The following ZSWIM5 variants were observed in gnomAD, a reference collection of about 807,000 sequenced individuals.
ZSWIM5 encodes the protein zinc finger SWIM domain-containing protein 5.
Under a neutral mutation model 119.6 loss-of-function variants are expected in ZSWIM5, and 55 were observed. The ratio of observed to expected loss-of-function variants is 0.46; its 90% confidence interval spans 0.37 to 0.58. The LOEUF is 0.58. Among genes scored for constraint, ZSWIM5 ranks in the 20% least tolerant of loss-of-function variants. The probability of loss-of-function intolerance (pLI) is 0.00; values close to 1 mark genes in which losing one functional copy is unlikely to be tolerated. For missense variants in ZSWIM5, 1,193 were observed against 1,512.8 expected (o/e 0.79, Z 3.51); for synonymous variants, 537 against 606.9 (o/e 0.88, Z 1.69).
intron 1 of ZSWIM5, among the ~76,000 whole-genome samples, chr1:45,105,928 C>A (rs1287799568): frequency 2.0e-5 from 3 of 147,100 alleles, no homozygotes; most frequent in African/African-American, 7.6e-5. Flanking sequence ...GTGAGGAGCG[C>A]CTCTGCCCAG....
chr1:45,063,785 G>A (rs955202417), intron 2 of ZSWIM5, among the ~76,000 whole-genome samples: 1 of 152,026 alleles, frequency 6.6e-6, no homozygotes, highest in African/African-American at 2.4e-5. Flanking sequence ...GAGGTCAGGA[G>A]ATCGAGACCA....
At chr1:45,040,105 T>G (rs1448735831) in intron 7 of ZSWIM5, among the ~76,000 whole-genome samples, 1 of 152,194 alleles carries the variant, frequency 6.6e-6, no homozygotes, top group Non-Finnish European at 1.5e-5. Flanking sequence ...CCCAAAGTGC[T>G]GGGATTATAG....
rs1398678067 is a variant in ZSWIM5 at position 45,182,232 on chromosome 1, G to A, written c.595+23524C>T. On this transcript the variant is annotated intron_variant, in intron 1 of 13. Coordinates refer to ENST00000359600, the MANE Select transcript of ZSWIM5 (RefSeq NM_020883.2). The stretch of plus-strand genomic sequence containing the variant: ...GAGATCGAGACCACGGTGAAACCCC[G>A]TCTCTACTAAAAATACAAAAAATTA... Among the ~76,000 whole-genome samples, 110 of 152,012 alleles carry A rather than the reference G, an allele frequency of 7.2e-4. 2 individuals are homozygous for A. The highest frequency in any genetic ancestry group is 1.5e-3 in the South Asian group (7 of 4,818).
chr1:45,139,374 TTCTCTCTCTCTCTCCTCCTCCCTCCC>T (rs1208464090), intron 1 of ZSWIM5, among the ~76,000 whole-genome samples: 6 of 149,852 alleles, frequency 4.0e-5, no homozygotes, highest in African/African-American at 1.5e-4. Flanking sequence ...TTCTTTTTTT[TTCTCTCTCTCTCTCCTCCTCCCTCCC>T]TCTCTCTCTC....
chr1:45,133,489 C>T (rs1375957389), intron 1 of ZSWIM5, among the ~76,000 whole-genome samples: 3 of 152,102 alleles, frequency 2.0e-5, no homozygotes, highest in African/African-American at 4.8e-5. Context: ...TGTTTGAGTT[C>T]TTTGTAGATT....
chr1:45,088,140 GGTGA>G lies in ZSWIM5; in HGVS notation c.689_692del (p.Ile230ThrfsTer3). The G allele has an allele frequency of 3.1e-6, 5 of 1,614,162 alleles. No individual in the cohort carries two copies. Among genetic ancestry groups the G allele is most frequent in the Non-Finnish European group, 4.2e-6 (5 of 1,180,016 alleles). On this transcript the variant is annotated frameshift_variant, in exon 2 of 14. Coordinates refer to ENST00000359600, the MANE Select transcript of ZSWIM5 (RefSeq NM_020883.2). LOFTEE classifies it high-confidence loss of function. This position sits in a 1 kb window ranked among gnomAD's most constrained non-coding sequence, Gnocchi z 4.2. ...TGTTCCCACAGCCACATGTCACTGA[GGTGA>G]TTTTGCATCGATCAAAACTGATTGC...
chr1:45,038,830 A>C, intron 8 of ZSWIM5, 106 bp downstream of exon 8: 2 of 1,399,310 alleles, frequency 1.4e-6, no homozygotes, highest in Non-Finnish European at 2.0e-6. Flanking sequence ...TCTTGAACTC[A>C]AGTAATCCAC....
intron 5 of ZSWIM5, among the ~76,000 whole-genome samples, chr1:45,044,817 A>T (rs1400038690): frequency 0.045 from 411 of 9,048 alleles, 160 homozygotes; most frequent in African/African-American, 0.18. Flanking sequence ...ATATATATAT[A>T]TATAAATATA....
chr1:45,022,947 T>C (rs1275324219), intron 11 of ZSWIM5, among the ~76,000 whole-genome samples: 1 of 152,248 alleles, frequency 6.6e-6, no homozygotes, highest in Non-Finnish European at 1.5e-5. Flanking sequence ...GTTTTGCTTT[T>C]TGGAACACTG....
intron 1 of ZSWIM5, among the ~76,000 whole-genome samples, chr1:45,164,930 A>C (rs1645891190): frequency 6.6e-6 from 1 of 152,140 alleles, no homozygotes; most frequent in Non-Finnish European, 1.5e-5. Flanking sequence ...TAACAAGGTT[A>C]CCCAGGAATT....
At chr1:45,160,746 C>G (rs941925113) in intron 1 of ZSWIM5, among the ~76,000 whole-genome samples, 1 of 151,616 alleles carries the variant, frequency 6.6e-6, no homozygotes, top group African/African-American at 2.4e-5. Flanking sequence ...CCTCTTCTTC[C>G]CAGGGTTCAA....
At chr1:45,160,875 G>T (rs186059826) in intron 1 of ZSWIM5, among the ~76,000 whole-genome samples, 2 of 148,150 alleles carry the variant, frequency 1.3e-5, no homozygotes, top group East Asian at 3.9e-4. Context: ...AGGCTGGAGT[G>T]CAGTGGCAAG....
At chr1:45,194,404 T>C (rs973767882) in intron 1 of ZSWIM5, among the ~76,000 whole-genome samples, 1 of 152,178 alleles carries the variant, frequency 6.6e-6, no homozygotes, top group South Asian at 2.1e-4. Context: ...GTAAGGATTA[T>C]CTGAAGATAA....
intron 1 of ZSWIM5, among the ~76,000 whole-genome samples, chr1:45,191,013 C>T (rs1646089030): frequency 7.9e-6 from 1 of 126,820 alleles, no homozygotes; most frequent in African/African-American, 3.0e-5. Context: ...GTGGCGCTAT[C>T]TCCTCTCACT....
chr1:45,119,526 G>A (rs1645578581), intron 1 of ZSWIM5, among the ~76,000 whole-genome samples: 1 of 152,142 alleles, frequency 6.6e-6, no homozygotes, highest in Non-Finnish European at 1.5e-5. Flanking sequence ...TTATCTTGCG[G>A]GGTAAGGACG....
chr1:45,154,232 A>G (rs1645814006), intron 1 of ZSWIM5, among the ~76,000 whole-genome samples: 1 of 152,086 alleles, frequency 6.6e-6, no homozygotes, highest in Non-Finnish European at 1.5e-5. Context: ...ATTCTTTACA[A>G]AACTAGAAAA....
intron 1 of ZSWIM5, among the ~76,000 whole-genome samples, chr1:45,093,808 T>C (rs1645381529): frequency 6.6e-6 from 1 of 151,238 alleles, no homozygotes. Flanking sequence ...AACATGTCCA[T>C]CAATAATCTA....
rs562098633 is a variant in ZSWIM5 at position 45,040,477 on chromosome 1, C to T, written c.1671G>A (p.Glu557=). The T allele has an allele frequency of 4.3e-6, 7 of 1,612,342 alleles. No individual in the cohort carries two copies. The South Asian group carries it at 4.4e-5, about 10-fold the overall frequency. The change falls in exon 7 of 14, where the codon GAG becomes GAA. Residue 557 remains glutamate, a synonymous_variant. Coordinates refer to ENST00000359600, the MANE Select transcript of ZSWIM5 (RefSeq NM_020883.2). ...TAATGGCCACTGTGAGTCTGAGGGC[C>T]TCTTTTGGATAACCATGGGAACGCA... The part of the protein sequence containing the change: ...DALRSHGYPK[E]ALRLTVAIIN...
At chr1:45,067,449 AAAAAAG>A (rs1227902926) in intron 2 of ZSWIM5, among the ~76,000 whole-genome samples, 3 of 85,650 alleles carry the variant, frequency 3.5e-5, no homozygotes, top group African/African-American at 1.2e-4. Context: ...CAAAAAAAAA[AAAAAAG>A]AAAGAAAGAA....
Sources: allele counts gnomAD v4.1 joint callset (sites outside exome capture counted in the v4.1 genomes callset), GRCh38; gene constraint gnomAD v4.1.1; non-coding constraint Gnocchi (gnomAD v3.1); transcripts MANE v1.5; gene names NCBI Gene and HGNC (gene_info 2026-07-23, HGNC 2026-07-21).